Variants in MYCBP2 observed in about 807,000 individuals in gnomAD.
MYCBP2 encodes E3 ubiquitin-protein ligase MYCBP2.
Under a neutral mutation model 525.3 loss-of-function variants are expected in MYCBP2, and 120 were observed. The observed-to-expected ratio is 0.23, with a 90% CI of 0.20 to 0.27. The LOEUF (loss-of-function observed/expected upper bound fraction) is 0.27, where lower values mean the gene tolerates loss of function less well. Ranked by LOEUF, MYCBP2 falls within the 10% of genes least tolerant of loss-of-function variation. MYCBP2 has a pLI of 1.00. For missense variants in MYCBP2, 4,149 were observed against 5,657.1 expected (o/e 0.73, Z 8.55); for synonymous variants, 1,894 against 1,955.8 (o/e 0.97, Z 0.83).
chr13:77,180,136 C>T lies in MYCBP2; in HGVS notation c.5124G>A (p.Leu1708=), dbSNP rs757232164. ...AAATATAATGTATTACCTCAGATCC[C>T]AGGGCTGACGCTGTCAGTTCACTGA... ...SIVSELTASA[L]GSEVDGLNSL... Residue 1708 remains leucine (L), a synonymous_variant, in exon 34 of 83, where the codon CTG becomes CTA. Coordinates refer to ENST00000544440, the MANE Select transcript of MYCBP2 (RefSeq NM_015057.5). 12 of 1,613,200 alleles carry T rather than the reference C, an allele frequency of 7.4e-6. No individual in the cohort carries two copies. The East Asian group carries it at 2.7e-4, about 36-fold the overall frequency.
At chr13:77,110,525 C>T (rs2048642560) in intron 55 of MYCBP2, among the ~76,000 whole-genome samples, 1 of 152,224 alleles carries the variant, frequency 6.6e-6, no homozygotes. Context: ...TTTGCTTTGC[C>T]CTTTGCCTTG....
chr13:77,233,231 T>C lies in MYCBP2; in HGVS notation c.2662A>G (p.Asn888Asp). Residue 888 changes from asparagine to aspartate, a missense_variant, in exon 18 of 83, where the codon AAC (asparagine) becomes GAC (aspartate). This residue lies in a region of MYCBP2 where 620 missense variants were observed against 795.5 expected (regional missense o/e 0.78). Coordinates refer to ENST00000544440, the MANE Select transcript of MYCBP2 (RefSeq NM_015057.5). Reference sequence around the variant, plus strand: ...CTGGCTAGAGCCTGTTCTCGATGGTTCATAAAAATAGGACCAGCAAATACA... The same window carrying C: ...CTGGCTAGAGCCTGTTCTCGATGGTCCATAAAAATAGGACCAGCAAATACA... The part of the protein sequence containing the change: ...PLVFAGPIFM[N>D]HREQALARLR... The C allele has an allele frequency of 3.1e-6, 5 of 1,613,842 alleles. No homozygotes were observed. The highest frequency in any genetic ancestry group is 4.2e-6 in the Non-Finnish European group (5 of 1,179,814).
At position 77,098,137 on chromosome 13, in the gene MYCBP2, A is replaced by C; in HGVS notation, c.9017T>G (p.Phe3006Cys). The C allele has an allele frequency of 6.2e-7, 1 of 1,613,696 alleles. No individual in the cohort carries two copies. The highest frequency in any genetic ancestry group is 1.3e-5 in the African/African-American group (1 of 75,006). The stretch of plus-strand genomic sequence containing the variant: ...CTTGGATCCATCTCCTTTGAAAAGA[A>C]AACTCGATTTTTCTTTTTTGGGCCT... The part of the protein sequence containing the change: ...HTRPKKEKSS[F>C]LFKGDGSKPL... The change falls in exon 56 of 83, where the codon TTT becomes TGT. Residue 3006 changes from phenylalanine (F) to cysteine (C), a missense_variant. By Grantham distance (205) the Phe-to-Cys change is radical. Transcript: ENST00000544440.
At chr13:77,223,276 T>G (rs2065839487) in intron 20 of MYCBP2, among the ~76,000 whole-genome samples, 1 of 152,178 alleles carries the variant, frequency 6.6e-6, no homozygotes, top group South Asian at 2.1e-4. Flanking sequence ...CTTCCAAAGG[T>G]ATCCTCAGCT....
At chr13:77,112,960 T>C (rs373444704) in intron 55 of MYCBP2, among the ~76,000 whole-genome samples, 1 of 152,188 alleles carries the variant, frequency 6.6e-6, no homozygotes, top group Non-Finnish European at 1.5e-5. Flanking sequence ...TCTATACTCA[T>C]TGTCTCCAAT....
chr13:77,285,439 T>G, intron 3 of MYCBP2, among the ~76,000 whole-genome samples: 1 of 152,178 alleles, frequency 6.6e-6, no homozygotes, highest in East Asian at 1.9e-4. Flanking sequence ...GACCATAATT[T>G]CTATGTAGAG....
At chr13:77,190,878 T>TTATG (rs1432220988) in intron 28 of MYCBP2, among the ~76,000 whole-genome samples, 2 of 152,216 alleles carry the variant, frequency 1.3e-5, no homozygotes, top group African/African-American at 4.8e-5. Flanking sequence ...GTCAGCTTTG[T>TTATG]TATGAATTGA....
At chr13:77,228,506 C>CA (rs60998294) in intron 18 of MYCBP2, among the ~76,000 whole-genome samples, 8,868 of 95,394 alleles carry the variant, frequency 0.093, 490 homozygotes, top group African/African-American at 0.21. Flanking sequence ...GACCCTGTCT[C>CA]AAAAAAAAAA....
chr13:77,154,379 AG>A (rs1427095370), intron 46 of MYCBP2, among the ~76,000 whole-genome samples: 2 of 151,662 alleles, frequency 1.3e-5, no homozygotes, highest in Non-Finnish European at 2.9e-5. Context: ...AAAAAGGAGA[AG>A]GAGGTGAAAG....
chr13:77,082,830 C>T (rs2043534448), intron 63 of MYCBP2, among the ~76,000 whole-genome samples: 1 of 152,050 alleles, frequency 6.6e-6, no homozygotes, highest in Non-Finnish European at 1.5e-5. Flanking sequence ...ACATTAGCCA[C>T]ATTTTACAGG....
In MYCBP2 at chr13:77,237,559, C is replaced by T. The variant is rs538419842; in HGVS notation, c.2630-4296G>A. ...GTAAAACTTGATTAGAAGATGACAA[C>T]GAAATAAAAACAATAATTGAATTAA... On this transcript the variant is annotated intron_variant, in intron 17 of 82. Transcript: ENST00000544440. Among the ~76,000 whole-genome samples, 21 of 151,790 alleles carry T rather than the reference C, an allele frequency of 1.4e-4. 1 individual carries two copies. Among genetic ancestry groups the T allele is most frequent in the South Asian group, 1.0e-3 (5 of 4,808 alleles).
At position 77,171,406 on chromosome 13, in the gene MYCBP2, TAGA is replaced by T. The variant is rs1280587332; in HGVS notation, c.5794+83_5794+85del. 3.0e-6 allele frequency: 4 copies of T among 1,336,086 alleles called. No homozygotes were observed. The African/African-American group carries it at 4.4e-5, about 15-fold the overall frequency. 82.8% of individuals were successfully genotyped at this position (1,336,086 alleles called of 1,614,324 possible). A position where few individuals can be genotyped will look rare whatever the true frequency, so the allele number is the denominator to read the frequency against. On this transcript the variant is annotated intron_variant, in intron 38 of 82. Transcript: ENST00000544440. ...ACTTAGATTCTATAAAATTGTATAA[TAGA>T]AGGCTCCTCTTCAATAATTCTATGC... is the stretch of plus-strand genomic sequence containing the variant.
intron 55 of MYCBP2, among the ~76,000 whole-genome samples, chr13:77,110,722 TTC>T (rs1339731784): frequency 4.6e-5 from 7 of 152,270 alleles, no homozygotes; most frequent in African/African-American, 1.4e-4. Flanking sequence ...TTTGTACTCT[TTC>T]TCTTTTTTTC....
chr13:77,258,897 T>G (rs192231611), intron 13 of MYCBP2, among the ~76,000 whole-genome samples: 1 of 152,102 alleles, frequency 6.6e-6, no homozygotes, highest in African/African-American at 2.4e-5. Context: ...AAAAGAAAAC[T>G]CTTAAATGTT....
In MYCBP2 at chr13:77,293,541, C is replaced by A. The variant is rs192896414; in HGVS notation, c.378+3058G>T. ...TTCTATACCCTAATTCCCCAGAACC[C>A]AGGTGAATATTACCTTACATGGCAA... On this transcript the variant is annotated intron_variant, in intron 2 of 82. Transcript: ENST00000544440. 1.4e-3 allele frequency among the ~76,000 whole-genome samples: 208 copies of A among 152,242 alleles called. 1 individual carries two copies. Among genetic ancestry groups the A allele is most frequent in the African/African-American group, 4.8e-3 (199 of 41,536 alleles).
At chr13:77,045,852 GAAC>G (rs1485113503) in intron 82 of MYCBP2, among the ~76,000 whole-genome samples, 8 of 152,130 alleles carry the variant, frequency 5.3e-5, no homozygotes, top group Non-Finnish European at 8.8e-5. Context: ...TAGTCTGGCA[GAAC>G]ATTATTTTTC....
At chr13:77,229,092 G>A (rs1213375168) in intron 18 of MYCBP2, among the ~76,000 whole-genome samples, 3 of 152,162 alleles carry the variant, frequency 2.0e-5, no homozygotes, top group African/African-American at 4.8e-5. Flanking sequence ...GAGTGCTTGG[G>A]AGTACTGGAA....
Position 77,053,575 on chromosome 13 carries a change from T to C in MYCBP2, c.13648-1657A>G, listed in dbSNP as rs544422598. On this transcript the variant is annotated intron_variant, in intron 80 of 82. Coordinates refer to ENST00000544440, the MANE Select transcript of MYCBP2 (RefSeq NM_015057.5). The stretch of plus-strand genomic sequence containing the variant: ...GCTTACTCCAGCTGTTTCACTTTTC[T>C]ATATCCTCTGCTTGGCTTCCTAAGC... 3.5e-4 allele frequency among the ~76,000 whole-genome samples: 53 copies of C among 152,366 alleles called. No individual in the cohort carries two copies. The South Asian group carries it at 5.6e-3, about 16-fold the overall frequency.
intron 5 of MYCBP2, among the ~76,000 whole-genome samples, chr13:77,272,850 A>G (rs1389674864): frequency 6.6e-6 from 1 of 152,236 alleles, no homozygotes; most frequent in East Asian, 1.9e-4. Context: ...GCCAGAGAAG[A>G]GTAGACAGTC....
Sources: allele counts gnomAD v4.1 joint callset (sites outside exome capture counted in the v4.1 genomes callset), GRCh38; gene constraint gnomAD v4.1.1; regional missense constraint gnomAD v4.1.1; transcripts MANE v1.5; gene names NCBI Gene and HGNC (gene_info 2026-07-23, HGNC 2026-07-21).